The following MAGI3 variants were observed in gnomAD, a reference collection of about 807,000 sequenced individuals.
MAGI3 encodes the protein membrane-associated guanylate kinase, WW and PDZ domain-containing protein 3.
Under a neutral mutation model 121.8 loss-of-function variants are expected in MAGI3, and 43 were observed. The ratio of observed to expected loss-of-function variants is 0.35; its 90% confidence interval spans 0.28 to 0.46. The LOEUF is 0.46. MAGI3 is among the 20% of genes least tolerant of loss of function. MAGI3 has a pLI of 1.00. For synonymous variants in MAGI3, 553 were observed against 639.3 expected, an observed-to-expected ratio of 0.86 and a Z score of 2.04; for missense variants, 1,547 against 1,797.3, an observed-to-expected ratio of 0.86 and a Z score of 2.52.
chr1:113,631,832 A>C (rs1651652257), intron 9 of MAGI3, among the ~76,000 whole-genome samples: 1 of 152,160 alleles, frequency 6.6e-6, no homozygotes, highest in Admixed American at 6.5e-5. Flanking sequence ...TCTTTTCTAT[A>C]GTTTCCTAAA....
rs1654411659 is a variant in MAGI3, at chr1:113,450,277, C to T, written c.316+58928C>T. On this transcript the variant is annotated intron_variant, in intron 1 of 20. Coordinates refer to ENST00000307546, the MANE Select transcript of MAGI3 (RefSeq NM_001142782.2). The stretch of plus-strand genomic sequence containing the variant: ...GCAGTCTGCTGGATCACAGAGAGGT[C>T]GTGGAGGTGGATCTGGCAATTTTAT... 7.5e-6 allele frequency: 12 copies of T among 1,595,740 alleles called. No homozygotes were observed. In the East Asian group the frequency reaches 1.1e-4, roughly 15 times the overall value.
chr1:113,658,948 G>A lies in MAGI3; in HGVS notation c.2630-132G>A. ...TTCCGTTTGGATGCGATGATGACGT[G>A]TGGTACTTTTCTGTTATGTTTTTAA... On this transcript the variant is annotated intron_variant, in intron 15 of 20. Transcript: ENST00000307546. The surrounding 1 kb of genome is among the most constrained non-coding windows in gnomAD (Gnocchi z 4.0). 1.3e-6 allele frequency: 1 copy of A among 762,032 alleles called. No homozygotes were observed. The highest frequency in any genetic ancestry group is 2.1e-6 in the Non-Finnish European group (1 of 466,788). 47.2% of individuals were successfully genotyped at this position (762,032 alleles called of 1,614,324 possible).
intron 1 of MAGI3, among the ~76,000 whole-genome samples, chr1:113,431,251 G>A (rs909049439): frequency 1.3e-5 from 2 of 152,200 alleles, no homozygotes; most frequent in African/African-American, 4.8e-5. Flanking sequence ...CCAAGAGTTC[G>A]AAGTTACGGT....
intron 12 of MAGI3, among the ~76,000 whole-genome samples, chr1:113,646,924 A>T (rs949725186): frequency 6.6e-6 from 1 of 152,234 alleles, no homozygotes; most frequent in African/African-American, 2.4e-5. Flanking sequence ...TATTATTAGA[A>T]CTAAATGGAA....
At chr1:113,423,628 C>T (rs768527596) in intron 1 of MAGI3, among the ~76,000 whole-genome samples, 7 of 152,076 alleles carry the variant, frequency 4.6e-5, no homozygotes, top group South Asian at 2.1e-4. Flanking sequence ...TTGGTCCATG[C>T]GCAGCCATGG....
intron 1 of MAGI3, among the ~76,000 whole-genome samples, chr1:113,397,578 A>C (rs900634946): frequency 6.6e-6 from 1 of 152,208 alleles, no homozygotes; most frequent in African/African-American, 2.4e-5. Context: ...ACATTATAGA[A>C]TAATTGGAAA....
Position 113,658,989 on chromosome 1 carries a change from G to A in MAGI3, c.2630-91G>A. 9.5e-7 allele frequency: 1 copy of A among 1,057,334 alleles called. No individual in the cohort carries two copies. Among genetic ancestry groups the A allele is most frequent in the Non-Finnish European group, 1.4e-6 (1 of 719,666 alleles). The allele number at this position is 1,057,334 out of a possible 1,614,324, so 65.5% of individuals were successfully genotyped here. On this transcript the variant is annotated intron_variant, in intron 15 of 20. Transcript: ENST00000307546. This position sits in a 1 kb window ranked among gnomAD's most constrained non-coding sequence, Gnocchi z 4.0. ...ATGTTTTTAAATAATTTTCTTTGAT[G>A]TTATGTTGAATTTTAAATGACGTTG...
At chr1:113,518,558 A>G (rs1001610284) in intron 1 of MAGI3, among the ~76,000 whole-genome samples, 7 of 152,134 alleles carry the variant, frequency 4.6e-5, no homozygotes, top group South Asian at 2.1e-4. Context: ...CCTTTCAACT[A>G]TAATTAGATT....
intron 2 of MAGI3, among the ~76,000 whole-genome samples, chr1:113,559,226 G>T (rs1204981423): frequency 6.6e-6 from 1 of 152,070 alleles, no homozygotes; most frequent in Non-Finnish European, 1.5e-5. Flanking sequence ...ATATAAATGG[G>T]CTAAATGCCC....
intron 1 of MAGI3, among the ~76,000 whole-genome samples, chr1:113,426,253 T>C (rs995527807): frequency 2.0e-5 from 3 of 152,202 alleles, no homozygotes; most frequent in African/African-American, 4.8e-5. Context: ...TCCATTATGG[T>C]CAGAGAACAC....
At chr1:113,461,165 A>G (rs1157831302) in intron 1 of MAGI3, among the ~76,000 whole-genome samples, 4 of 152,232 alleles carry the variant, frequency 2.6e-5, no homozygotes, top group Non-Finnish European at 2.9e-5. Context: ...GCCTAAAGCA[A>G]TGTACAGATT....
chr1:113,594,360 T>C (rs1029926052), intron 5 of MAGI3, 121 bp from the exon 6 acceptor site: 23 of 710,612 alleles, frequency 3.2e-5, no homozygotes, highest in African/African-American at 5.6e-5. Flanking sequence ...GGAATACAAA[T>C]GGAGCCTGTT....
At chr1:113,463,819 C>G (rs1348710203) in intron 1 of MAGI3, among the ~76,000 whole-genome samples, 7 of 151,976 alleles carry the variant, frequency 4.6e-5, no homozygotes, top group African/African-American at 1.4e-4. Context: ...CATTAATACT[C>G]TCACATTAAT....
At chr1:113,646,888 G>A (rs1055485737) in intron 12 of MAGI3, among the ~76,000 whole-genome samples, 2 of 152,028 alleles carry the variant, frequency 1.3e-5, no homozygotes, top group Non-Finnish European at 2.9e-5. Flanking sequence ...GAGATAAATA[G>A]GTTACATAGG....
At chr1:113,619,866 A>G (rs1204428286) in intron 8 of MAGI3, 36 bp downstream of exon 8, 7 of 1,468,160 alleles carry the variant, frequency 4.8e-6, no homozygotes, top group Non-Finnish European at 6.7e-6. Context: ...TCTAAGAATA[A>G]CTTGTGAAAT....
intron 1 of MAGI3, among the ~76,000 whole-genome samples, chr1:113,521,774 T>C (rs1658213015): frequency 6.6e-6 from 1 of 152,196 alleles, no homozygotes; most frequent in Non-Finnish European, 1.5e-5. Context: ...TAAAGCTTTA[T>C]ACAAAAAGAA....
chr1:113,602,662 T>G (rs1003319496), intron 6 of MAGI3, among the ~76,000 whole-genome samples: 3 of 152,194 alleles, frequency 2.0e-5, no homozygotes, highest in Non-Finnish European at 4.4e-5. Context: ...CCAGATACTG[T>G]GGCTCATGCC....
At chr1:113,473,571 C>T (rs1298197842) in intron 1 of MAGI3, among the ~76,000 whole-genome samples, 1 of 152,108 alleles carries the variant, frequency 6.6e-6, no homozygotes, top group East Asian at 1.9e-4. Context: ...CAGCTTCATC[C>T]ATGTCCCTGC....
chr1:113,430,177 T>C (rs1273129601), intron 1 of MAGI3, among the ~76,000 whole-genome samples: 1 of 152,196 alleles, frequency 6.6e-6, no homozygotes, highest in African/African-American at 2.4e-5. Context: ...CTTCTTATTT[T>C]ATCAGAGTGG....
Sources: gnomAD v4.1 joint callset for allele counts (sites outside exome capture counted in the v4.1 genomes callset) on GRCh38, gnomAD v4.1.1 for gene constraint, Gnocchi (gnomAD v3.1) non-coding constraint, MANE v1.5 for transcripts, NCBI Gene and HGNC (gene_info 2026-07-23, HGNC 2026-07-21) for gene names.